RBFOX1: variants seen among roughly 807,000 people sequenced by gnomAD.
RBFOX1 encodes the protein RNA binding fox-1 homolog 1.
In RBFOX1, 8 loss-of-function variants were observed where a neutral mutation model predicts 57.7. The observed-to-expected ratio is 0.14, with a 90% confidence interval of 0.08 to 0.25. RBFOX1 has a LOEUF of 0.25. RBFOX1 is among the 10% of genes least tolerant of loss of function. The pLI, the probability that RBFOX1 is intolerant of heterozygous loss-of-function variation, is 1.00. For synonymous variants in RBFOX1, 326 were observed against 222.4 expected, an observed-to-expected ratio of 1.47 and a Z score of -4.15; for missense variants, 611 against 548.5, an observed-to-expected ratio of 1.11 and a Z score of -1.14.
intron 4 of RBFOX1, among the ~76,000 whole-genome samples, chr16:7,065,378 C>G (rs2055716773): frequency 6.6e-6 from 1 of 152,052 alleles, no homozygotes; most frequent in South Asian, 2.1e-4. Context: ...CTCCACCTGC[C>G]CACTCGTGTT....
intron 4 of RBFOX1, among the ~76,000 whole-genome samples, chr16:7,320,119 G>C (rs566499783): frequency 1.4e-3 from 210 of 152,212 alleles, no homozygotes; most frequent in African/African-American, 4.6e-3. Context: ...AGGATGTGCA[G>C]GTTTATCACA....
chr16:7,439,954 T>C (rs991144733), intron 4 of RBFOX1, among the ~76,000 whole-genome samples: 21 of 148,666 alleles, frequency 1.4e-4, no homozygotes, highest in Admixed American at 4.0e-4. Context: ...TCTTTCTTTT[T>C]TTTTTTTTTT....
chr16:6,619,893 T>G (rs1348810090), intron 2 of RBFOX1, among the ~76,000 whole-genome samples: 1 of 151,516 alleles, frequency 6.6e-6, no homozygotes, highest in African/African-American at 2.4e-5. Flanking sequence ...CAGTTTGTGT[T>G]GTTCCCCTCT....
Position 7,653,812 on chromosome 16 carries a change from C to T in RBFOX1, c.758-3C>T. 1 of 1,608,336 alleles carries T rather than the reference C, an allele frequency of 6.2e-7. No individual in the cohort carries two copies. Among genetic ancestry groups the T allele is most frequent in the Non-Finnish European group, 8.5e-7 (1 of 1,179,608 alleles). ...TCTCTCTCTCTCTCCTCTTGCCCCG[C>T]AGTGCCAGGCTTCCCGTATCCAGCA... On this transcript the variant is annotated splice_region_variant and splice_polypyrimidine_tract_variant and intron_variant, in intron 11 of 15. Coordinates refer to ENST00000550418, the MANE Select transcript of RBFOX1 (RefSeq NM_018723.4).
At chr16:7,189,539 C>T (rs1358958487) in intron 4 of RBFOX1, among the ~76,000 whole-genome samples, 3 of 143,322 alleles carry the variant, frequency 2.1e-5, no homozygotes, top group South Asian at 2.3e-4. Flanking sequence ...CACTCCAAAA[C>T]ACTATGTCCC....
intron 2 of RBFOX1, among the ~76,000 whole-genome samples, chr16:6,595,835 G>T (rs1044190620): frequency 5.3e-5 from 8 of 152,182 alleles, no homozygotes; most frequent in African/African-American, 1.7e-4. Flanking sequence ...TAATGTGCTT[G>T]TTGGGCATTT....
chr16:7,687,923 C>G (rs72778505), intron 14 of RBFOX1, among the ~76,000 whole-genome samples: 1,892 of 152,054 alleles, frequency 0.012, 24 homozygotes, highest in Non-Finnish European at 0.021. Context: ...TCAGGCATAT[C>G]TGTACATGGG....
intron 1 of RBFOX1, among the ~76,000 whole-genome samples, chr16:6,144,170 C>G (rs1284999434): frequency 2.6e-5 from 4 of 152,088 alleles, no homozygotes; most frequent in Non-Finnish European, 5.9e-5. Flanking sequence ...AAATTAGACT[C>G]TACAGATTAT....
intron 3 of RBFOX1, among the ~76,000 whole-genome samples, chr16:6,670,677 C>G (rs1356087623): frequency 6.6e-6 from 1 of 152,098 alleles, no homozygotes; most frequent in Non-Finnish European, 1.5e-5. Context: ...ACTACCTTTT[C>G]CCATATTGGT....
intron 4 of RBFOX1, among the ~76,000 whole-genome samples, chr16:7,084,598 G>C (rs112719048): frequency 1.3e-5 from 2 of 152,130 alleles, no homozygotes; most frequent in Non-Finnish European, 2.9e-5. Flanking sequence ...CTATGTGAGA[G>C]GTATAAAGGA....
intron 3 of RBFOX1, among the ~76,000 whole-genome samples, chr16:6,918,773 C>A (rs1193235938): frequency 6.6e-6 from 1 of 152,068 alleles, no homozygotes. Context: ...GTTAATTAAT[C>A]TTGGGCATAG....
chr16:6,090,502 A>G (rs1282461686), intron 1 of RBFOX1, among the ~76,000 whole-genome samples: 1 of 152,234 alleles, frequency 6.6e-6, no homozygotes, highest in Non-Finnish European at 1.5e-5. Flanking sequence ...TTTTGGCTCC[A>G]AAGTCAGCAG....
chr16:6,864,924 A>G (rs950722098), intron 3 of RBFOX1, among the ~76,000 whole-genome samples: 1 of 151,642 alleles, frequency 6.6e-6, no homozygotes, highest in Non-Finnish European at 1.5e-5. Flanking sequence ...TGATAAATCG[A>G]AAACACAAAG....
intron 3 of RBFOX1, among the ~76,000 whole-genome samples, chr16:5,716,081 C>G (rs1302778594): frequency 6.6e-6 from 1 of 152,156 alleles, no homozygotes; most frequent in Non-Finnish European, 1.5e-5. Flanking sequence ...ATTAATTTAG[C>G]AAGTATTATA....
intron 4 of RBFOX1, among the ~76,000 whole-genome samples, chr16:7,094,384 A>C (rs1256682119): frequency 6.8e-6 from 1 of 147,356 alleles, no homozygotes; most frequent in African/African-American, 2.4e-5. Flanking sequence ...TATTATCCGA[A>C]GACATTCCAG....
intron 1 of RBFOX1, among the ~76,000 whole-genome samples, chr16:6,187,373 A>G (rs973043558): frequency 6.6e-6 from 1 of 152,146 alleles, no homozygotes; most frequent in African/African-American, 2.4e-5. Flanking sequence ...CAACACCCCT[A>G]GATGTGACGA....
intron 2 of RBFOX1, among the ~76,000 whole-genome samples, chr16:6,534,598 C>T (rs149649636): frequency 3.3e-5 from 5 of 152,036 alleles, no homozygotes; most frequent in Admixed American, 6.6e-5. Context: ...ATATTGATAC[C>T]CGGGTGATTT....
chr16:6,437,286 T>C (rs901728666), intron 2 of RBFOX1, among the ~76,000 whole-genome samples: 2 of 152,216 alleles, frequency 1.3e-5, no homozygotes, highest in Admixed American at 1.3e-4. Context: ...TTTAATTCCA[T>C]TAATTTAAGC....
intron 1 of RBFOX1, among the ~76,000 whole-genome samples, chr16:6,212,807 TTTAA>T (rs1164387732): frequency 6.6e-6 from 1 of 152,174 alleles, no homozygotes; most frequent in African/African-American, 2.4e-5. Context: ...AGACATACTC[TTTAA>T]TTTTTTCTCC....
Sources: allele counts gnomAD v4.1 joint callset (sites outside exome capture counted in the v4.1 genomes callset), GRCh38; gene constraint gnomAD v4.1.1; transcripts MANE v1.5; gene names NCBI Gene and HGNC (gene_info 2026-07-23, HGNC 2026-07-21).